Variants in CUL3 observed in about 807,000 individuals in gnomAD.
CUL3 encodes cullin-3.
In CUL3, 19 loss-of-function variants were observed where a neutral mutation model predicts 89.1. The ratio of observed to expected loss-of-function variants is 0.21; its 90% CI spans 0.15 to 0.31. The LOEUF (loss-of-function observed/expected upper bound fraction) is 0.31. Among genes scored for constraint, CUL3 ranks in the 10% least tolerant of loss-of-function variants. The pLI, the probability that CUL3 is intolerant of heterozygous loss-of-function variation, is 1.00. For missense variants in CUL3, 469 were observed against 942.3 expected (o/e 0.50, Z 6.58); for synonymous variants, 351 against 308.4 (o/e 1.14, Z -1.45).
At chr2:224,481,141 TGAC>T (rs1691525371) in intron 14 of CUL3, among the ~76,000 whole-genome samples, 1 of 152,062 alleles carries the variant, frequency 6.6e-6, no homozygotes. Context: ...AATCAACAAA[TGAC>T]AGTCATTTAA....
intron 1 of CUL3, among the ~76,000 whole-genome samples, chr2:224,571,100 C>T (rs1695170773): frequency 6.6e-6 from 1 of 152,076 alleles, no homozygotes; most frequent in Non-Finnish European, 1.5e-5. Flanking sequence ...AGGTAAAAAG[C>T]TTGTCACTGT....
rs767790852 is a variant in CUL3, at chr2:224,513,539, A to G, written c.639T>C (p.Ser213=). ...CACGGATTACCTGAAAAAATTCTGC[A>G]GACATTTCCAAAAAAGGAGCCTCAA... ...EDFEAPFLEM[S]AEFFQMESQK... is the part of the protein sequence containing the mutation. Residue 213 remains serine, a synonymous_variant, in exon 5 of 16, where the codon TCT becomes TCC. Coordinates refer to ENST00000264414, the MANE Select transcript of CUL3 (RefSeq NM_003590.5). 1.3e-5 allele frequency: 20 copies of G among 1,587,446 alleles called. No individual in the cohort carries two copies. Among genetic ancestry groups the G allele is most frequent in the Admixed American group, 1.8e-5 (1 of 54,662 alleles).
rs947047598 is a variant in CUL3 at position 224,478,251 on chromosome 2, C to G, written c.2124G>C (p.Val708=). ...DRKHEIEAAI[V]RIMKSRKKMQ... ...TCTTCTTTCTAGATTTCATTATCCG[C>G]ACTATAGCAGCTTCTATCTCATGTT... Residue 708 remains valine (V), a synonymous_variant, in exon 15 of 16, where the codon GTG becomes GTC. Transcript: ENST00000264414. The G allele has an allele frequency of 6.2e-7, 1 of 1,613,608 alleles. No individual in the cohort carries two copies. Among genetic ancestry groups the G allele is most frequent in the Non-Finnish European group, 8.5e-7 (1 of 1,179,700 alleles).
chr2:224,521,433 CTT>C (rs768599132), intron 3 of CUL3, among the ~76,000 whole-genome samples: 21 of 140,526 alleles, frequency 1.5e-4, no homozygotes, highest in Admixed American at 2.1e-4. Context: ...TTTCATACTT[CTT>C]TTTTTTTTTT....
intron 13 of CUL3, among the ~76,000 whole-genome samples, chr2:224,482,730 G>C (rs1325105367): frequency 6.6e-6 from 1 of 152,180 alleles, no homozygotes; most frequent in Non-Finnish European, 1.5e-5. Flanking sequence ...AGAAAAAGCA[G>C]CTCAGGAAAG....
intron 15 of CUL3, among the ~76,000 whole-genome samples, chr2:224,476,885 T>TC (rs374814685): frequency 6.6e-6 from 1 of 152,202 alleles, no homozygotes; most frequent in African/African-American, 2.4e-5. Flanking sequence ...AATACTACTC[T>TC]CTCTGCCCTT....
chr2:224,568,268 C>T (rs1461292322), intron 1 of CUL3, among the ~76,000 whole-genome samples: 1 of 152,068 alleles, frequency 6.6e-6, no homozygotes, highest in African/African-American at 2.4e-5. Context: ...AGTGTATTTT[C>T]GTTTATATGG....
chr2:224,548,208 T>C (rs1471958666), intron 2 of CUL3, among the ~76,000 whole-genome samples: 1 of 152,220 alleles, frequency 6.6e-6, no homozygotes, highest in Non-Finnish European at 1.5e-5. Context: ...AAAGCGTAGA[T>C]CCAAGTATGT....
intron 1 of CUL3, among the ~76,000 whole-genome samples, chr2:224,574,259 T>G (rs1695248358): frequency 6.6e-6 from 1 of 152,240 alleles, no homozygotes; most frequent in Non-Finnish European, 1.5e-5. Flanking sequence ...TCTCAATGAT[T>G]ACAAGTACTA....
intron 5 of CUL3, among the ~76,000 whole-genome samples, chr2:224,513,050 C>T (rs1692898329): frequency 6.6e-6 from 1 of 152,204 alleles, no homozygotes; most frequent in Non-Finnish European, 1.5e-5. Context: ...CAGTAAATTA[C>T]AGTTTATCTT....
chr2:224,488,802 A>G (rs1691840334), intron 13 of CUL3, among the ~76,000 whole-genome samples: 1 of 152,222 alleles, frequency 6.6e-6, no homozygotes, highest in South Asian at 2.1e-4. Context: ...TGGCAGAGAC[A>G]CAACAAAAAA....
chr2:224,494,530 A>G (rs1692096440), intron 13 of CUL3, among the ~76,000 whole-genome samples: 1 of 152,198 alleles, frequency 6.6e-6, no homozygotes, highest in Admixed American at 6.5e-5. Context: ...AGACAGCATA[A>G]AACTGGCATA....
chr2:224,562,700 C>T (rs1240903002), intron 1 of CUL3: 1 of 151,518 alleles, frequency 6.6e-6, no homozygotes, highest in Non-Finnish European at 1.5e-5. Flanking sequence ...AATGACTTAC[C>T]CAAAATCATA....
intron 7 of CUL3, among the ~76,000 whole-genome samples, 179 bp downstream of exon 7, chr2:224,506,679 T>A (rs1045956296): frequency 2.6e-5 from 4 of 152,214 alleles, no homozygotes; most frequent in Non-Finnish European, 4.4e-5. Context: ...TTTAGCTCCC[T>A]GATATAAATA....
chr2:224,497,650 G>T, intron 12 of CUL3, 103 bp downstream of exon 12: 1 of 821,014 alleles, frequency 1.2e-6, no homozygotes, highest in South Asian at 1.7e-5. Flanking sequence ...GAGACAGGCA[G>T]AGAAACAGAA....
intron 13 of CUL3, among the ~76,000 whole-genome samples, chr2:224,484,732 A>G (rs755288285): frequency 3.9e-5 from 6 of 152,204 alleles, no homozygotes; most frequent in Non-Finnish European, 7.3e-5. Flanking sequence ...CTGGAATTTT[A>G]TATTTGATGT....
intron 1 of CUL3, among the ~76,000 whole-genome samples, chr2:224,568,419 A>C (rs913638180): frequency 9.9e-5 from 15 of 152,236 alleles, no homozygotes; most frequent in African/African-American, 3.4e-4. Context: ...AATGCCACAC[A>C]GAAGGTTGTA....
chr2:224,493,771 TA>T (rs1465484198), intron 13 of CUL3, among the ~76,000 whole-genome samples: 3 of 152,168 alleles, frequency 2.0e-5, no homozygotes, highest in African/African-American at 7.2e-5. Context: ...TAATTTTGTT[TA>T]AAATATTTTA....
chr2:224,564,261 C>A (rs1348586104), intron 1 of CUL3, among the ~76,000 whole-genome samples: 1 of 152,170 alleles, frequency 6.6e-6, no homozygotes, highest in African/African-American at 2.4e-5. Flanking sequence ...CCAGCCTGGG[C>A]AACAGAGCAA....
Sources: allele counts gnomAD v4.1 joint callset (sites outside exome capture counted in the v4.1 genomes callset), GRCh38; gene constraint gnomAD v4.1.1; transcripts MANE v1.5; gene names NCBI Gene and HGNC (gene_info 2026-07-23, HGNC 2026-07-21).